CHN2: variants seen among roughly 807,000 people sequenced by gnomAD.
The protein encoded by CHN2 is chimerin 2.
CHN2 carries 35 observed loss-of-function variants against 56.3 expected under a neutral mutation model. The observed-to-expected ratio is 0.62, with a 90% CI of 0.47 to 0.82. The LOEUF is 0.82. Among genes scored for constraint, CHN2 ranks in the 40% least tolerant of loss-of-function variants. CHN2 has a pLI of 0.00. For synonymous variants in CHN2, 210 were observed against 212.8 expected (o/e 0.99, Z 0.12); for missense variants, 491 against 580.5 (o/e 0.85, Z 1.58).
intron 2 of CHN2, among the ~76,000 whole-genome samples, chr7:29,361,048 G>C (rs1261031404): frequency 6.6e-6 from 1 of 152,216 alleles, no homozygotes; most frequent in Admixed American, 6.5e-5. Context: ...GTGCGGCAGA[G>C]GGCCCGGGGC....
chr7:29,245,120 C>G (rs2128813093), intron 1 of CHN2, among the ~76,000 whole-genome samples: 1 of 152,308 alleles, frequency 6.6e-6, no homozygotes, highest in East Asian at 1.9e-4. Context: ...AAAATCCTAC[C>G]TATTTTTTAT....
At chr7:29,470,159 C>G (rs181957410) in intron 6 of CHN2, among the ~76,000 whole-genome samples, 278 of 152,318 alleles carry the variant, frequency 1.8e-3, no homozygotes, top group Non-Finnish European at 3.4e-3. Flanking sequence ...ATCACACACA[C>G]TCTGACATTC....
chr7:29,391,990 G>C (rs980696268), intron 3 of CHN2, among the ~76,000 whole-genome samples: 2 of 152,150 alleles, frequency 1.3e-5, no homozygotes, highest in African/African-American at 4.8e-5. Flanking sequence ...TTCTCTTTTA[G>C]GGAAATAAGA....
At chr7:29,444,774 A>G (rs1366390396) in intron 6 of CHN2, among the ~76,000 whole-genome samples, 3 of 152,198 alleles carry the variant, frequency 2.0e-5, no homozygotes, top group Non-Finnish European at 4.4e-5. Flanking sequence ...TTTAGTAGCC[A>G]TCTATGCAGA....
chr7:29,441,595 C>G (rs1783651996), intron 6 of CHN2, among the ~76,000 whole-genome samples: 1 of 152,088 alleles, frequency 6.6e-6, no homozygotes, highest in Admixed American at 6.5e-5. Context: ...AACCAAAAGA[C>G]AATCTAATGA....
At chr7:29,356,863 A>G (rs983522883) in intron 2 of CHN2, among the ~76,000 whole-genome samples, 1 of 152,188 alleles carries the variant, frequency 6.6e-6, no homozygotes, top group Non-Finnish European at 1.5e-5. Flanking sequence ...AATCAACAGA[A>G]TATCTGTAGT....
chr7:29,293,469 G>A (rs1016767823), intron 1 of CHN2, among the ~76,000 whole-genome samples: 2 of 150,198 alleles, frequency 1.3e-5, no homozygotes, highest in African/African-American at 4.9e-5. Context: ...CCTTGAAGGT[G>A]CTCCTCTGGC....
chr7:29,464,186 A>G (rs1250749862), intron 6 of CHN2, among the ~76,000 whole-genome samples: 1 of 152,230 alleles, frequency 6.6e-6, no homozygotes, highest in Non-Finnish European at 1.5e-5. Context: ...TGTTTTGGGC[A>G]CTAGAAACTA....
At chr7:29,234,310 A>G (rs1432509481) in intron 1 of CHN2, among the ~76,000 whole-genome samples, 2 of 152,238 alleles carry the variant, frequency 1.3e-5, no homozygotes, top group Non-Finnish European at 2.9e-5. Context: ...GACACTAAAA[A>G]AGGGCAGATT....
intron 1 of CHN2, among the ~76,000 whole-genome samples, chr7:29,318,070 A>G (rs1367260087): frequency 6.6e-6 from 1 of 152,226 alleles, no homozygotes; most frequent in Non-Finnish European, 1.5e-5. Flanking sequence ...CCCCAGTGTT[A>G]GCCCTGGGTC....
At chr7:29,506,130 C>A (rs1006542797) in intron 10 of CHN2, among the ~76,000 whole-genome samples, 1 of 151,974 alleles carries the variant, frequency 6.6e-6, no homozygotes, top group East Asian at 1.9e-4. Flanking sequence ...AACTAAAAGT[C>A]AAAAAATGTC....
intron 4 of CHN2, among the ~76,000 whole-genome samples, chr7:29,396,012 A>T (rs1801706861): frequency 6.6e-6 from 1 of 152,346 alleles, no homozygotes; most frequent in East Asian, 1.9e-4. Flanking sequence ...CCCTGATTTG[A>T]TCATTATACA....
rs1032158791 is a variant in CHN2 at position 29,406,037 on chromosome 7, T to C, written c.576+5209T>C. Reference sequence around the variant, plus strand: ...TTCTCCCCAGTGCCATGCTCGCATCTCATGGCTGGTGTCCCCGTGGTGACT... The same window carrying C: ...TTCTCCCCAGTGCCATGCTCGCATCCCATGGCTGGTGTCCCCGTGGTGACT... On this transcript the variant is annotated intron_variant, in intron 6 of 12. Transcript: ENST00000222792. 3.9e-5 allele frequency among the ~76,000 whole-genome samples: 6 copies of C among 152,230 alleles called. 1 individual carries two copies. Among genetic ancestry groups the C allele is most frequent in the African/African-American group, 1.4e-4 (6 of 41,466 alleles).
chr7:29,251,130 C>T (rs1584868141), intron 1 of CHN2, among the ~76,000 whole-genome samples: 1 of 152,170 alleles, frequency 6.6e-6, no homozygotes, highest in African/African-American at 2.4e-5. Context: ...ATCTACCATG[C>T]AGGATGTTTT....
chr7:29,216,510 T>C (rs1228973646), intron 1 of CHN2, among the ~76,000 whole-genome samples: 3 of 152,252 alleles, frequency 2.0e-5, no homozygotes, highest in Non-Finnish European at 4.4e-5. Flanking sequence ...ATTTCTTTCT[T>C]TGTCACTTTT....
chr7:29,290,719 A>G (rs1054917569), intron 1 of CHN2, among the ~76,000 whole-genome samples: 11 of 152,214 alleles, frequency 7.2e-5, no homozygotes, highest in Admixed American at 4.6e-4. Context: ...CAAATTCTAC[A>G]TTTAGAAGTG....
intron 1 of CHN2, among the ~76,000 whole-genome samples, chr7:29,349,781 A>G (rs917334440): frequency 6.6e-6 from 1 of 152,234 alleles, no homozygotes; most frequent in Non-Finnish European, 1.5e-5. Flanking sequence ...CTAAAAATAT[A>G]TAACTGTCTT....
At chr7:29,424,969 C>T (rs1804710207) in intron 6 of CHN2, among the ~76,000 whole-genome samples, 1 of 152,212 alleles carries the variant, frequency 6.6e-6, no homozygotes, top group Non-Finnish European at 1.5e-5. Context: ...ATAGTATTTA[C>T]CTGACCAAGC....
intron 1 of CHN2, chr7:29,198,051 T>G: frequency 2.2e-6 from 1 of 456,278 alleles, no homozygotes; most frequent in Non-Finnish European, 4.4e-6. Context: ...ATAAGCAGCA[T>G]CATGCACAGA....
Sources: allele counts gnomAD v4.1 joint callset (sites outside exome capture counted in the v4.1 genomes callset), GRCh38; gene constraint gnomAD v4.1.1; transcripts MANE v1.5; gene names NCBI Gene and HGNC (gene_info 2026-07-23, HGNC 2026-07-21).